MSI2: variants seen among roughly 807,000 people sequenced by gnomAD.
MSI2 encodes musashi RNA binding protein 2.
MSI2 carries 17 observed loss-of-function variants against 45.6 expected under a neutral mutation model. That is an observed-to-expected ratio of 0.37 (90% CI 0.26 to 0.56). MSI2 has a LOEUF of 0.56. Ranked by LOEUF, MSI2 falls within the 20% of genes least tolerant of loss-of-function variation. The probability of loss-of-function intolerance (pLI) is 0.77; values close to 1 mark genes in which losing one functional copy is unlikely to be tolerated. For missense variants in MSI2, 293 were observed against 444.2 expected, an observed-to-expected ratio of 0.66 and a Z score of 3.06; for synonymous variants, 156 against 158.2, an observed-to-expected ratio of 0.99 and a Z score of 0.11.
intron 6 of MSI2, among the ~76,000 whole-genome samples, chr17:57,437,154 T>C (rs1458145057): frequency 2.0e-5 from 3 of 152,264 alleles, no homozygotes; most frequent in African/African-American, 7.2e-5. Flanking sequence ...ATTGCCTTTA[T>C]CAATCGTGAT....
At chr17:57,441,009 C>A (rs1406116517) in intron 6 of MSI2, among the ~76,000 whole-genome samples, 1 of 152,204 alleles carries the variant, frequency 6.6e-6, no homozygotes, top group African/African-American at 2.4e-5. Flanking sequence ...CAACACTGCC[C>A]CCTGCCGCTC....
intron 11 of MSI2, among the ~76,000 whole-genome samples, chr17:57,657,016 T>C (rs1048599589): frequency 2.0e-5 from 3 of 152,174 alleles, no homozygotes; most frequent in African/African-American, 7.2e-5. Context: ...CTCTGCCCAG[T>C]GCTGCAAGAA....
In MSI2 at chr17:57,353,558, AG is replaced by A. The variant is rs544074614; in HGVS notation, c.313-47818del. ...TAGACTCTTATTTCCTTTGTTATTT[AG>A]GGAGTAGTTGGTGGAGATGTAGGTG... is the stretch of plus-strand genomic sequence containing the variant. On this transcript the variant is annotated intron_variant, in intron 5 of 13. Transcript: ENST00000284073. 1.3e-3 allele frequency among the ~76,000 whole-genome samples: 200 copies of A among 152,274 alleles called. 1 individual carries two copies. The highest frequency in any genetic ancestry group is 4.6e-3 in the African/African-American group (193 of 41,556).
chr17:57,258,579 G>A (rs1333433355), intron 4 of MSI2, among the ~76,000 whole-genome samples: 1 of 152,250 alleles, frequency 6.6e-6, no homozygotes, highest in Non-Finnish European at 1.5e-5. Flanking sequence ...GGTTAGGCTT[G>A]GGGAGGAGAG....
chr17:57,275,013 C>A (rs1908721973), intron 5 of MSI2, among the ~76,000 whole-genome samples: 1 of 152,154 alleles, frequency 6.6e-6, no homozygotes. Context: ...AATTTTAAAG[C>A]CATCTCGAAC....
intron 8 of MSI2, among the ~76,000 whole-genome samples, chr17:57,597,461 T>A: frequency 1.6e-5 from 1 of 60,992 alleles, no homozygotes; most frequent in East Asian, 5.5e-4. Context: ...CCAGACCTCA[T>A]CTCTTAAAAA....
At position 57,567,123 on chromosome 17, in the gene MSI2, G is replaced by C. The variant is rs116968073; in HGVS notation, c.455-29745G>C. Among the ~76,000 whole-genome samples the C allele has an allele frequency of 2.5e-3, 376 of 152,298 alleles. 7 individuals carry two copies. Among genetic ancestry groups the C allele is most frequent in the East Asian group, 0.023 (121 of 5,178 alleles). ...GACAATCCATTCTGTCCCGCAGACA[G>C]GCTGCTGCACCATTTTTGTTTCCGT... On this transcript the variant is annotated intron_variant, in intron 7 of 13. Transcript: ENST00000284073.
rs56325646 is a variant in MSI2 at position 57,495,532 on chromosome 17, CA to C, written c.406-34124del. On this transcript the variant is annotated intron_variant, in intron 6 of 13. Transcript: ENST00000284073. ...TGGGTGACAGAGCGAGACTCTGTCTCAAAAAAAAAAAAAAAAAAAAGAAAGC... is the reference window on the plus strand; with the variant it reads ...TGGGTGACAGAGCGAGACTCTGTCTCAAAAAAAAAAAAAAAAAAAGAAAGC... Among the ~76,000 whole-genome samples the C allele has an allele frequency of 3.1e-3, 226 of 72,594 alleles. 4 individuals carry two copies. Among genetic ancestry groups the C allele is most frequent in the Middle Eastern group, 0.022 (2 of 92 alleles). 47.6% of individuals were successfully genotyped at this position (72,594 alleles called of 152,430 possible). A position where few individuals can be genotyped will look rare whatever the true frequency, so the allele number is the denominator to read the frequency against.
intron 7 of MSI2, among the ~76,000 whole-genome samples, chr17:57,581,560 A>G (rs2088207336): frequency 6.6e-6 from 1 of 152,174 alleles, no homozygotes; most frequent in Admixed American, 6.5e-5. Context: ...GTGACATCTG[A>G]GAACAATTTT....
intron 5 of MSI2, among the ~76,000 whole-genome samples, chr17:57,271,012 G>T (rs1293966129): frequency 1.3e-5 from 2 of 152,194 alleles, no homozygotes; most frequent in African/African-American, 4.8e-5. Context: ...CGTATCTGAT[G>T]CCTGTGTTTT....
chr17:57,494,552 C>T (rs1232687603), intron 6 of MSI2, among the ~76,000 whole-genome samples: 1 of 152,176 alleles, frequency 6.6e-6, no homozygotes, highest in Admixed American at 6.5e-5. Context: ...GCATCTTTAG[C>T]CTTATAGAGA....
chr17:57,411,491 G>A (rs183203694), intron 6 of MSI2, among the ~76,000 whole-genome samples: 2 of 152,290 alleles, frequency 1.3e-5, no homozygotes, highest in East Asian at 1.9e-4. Flanking sequence ...TGTCCCAACA[G>A]CCCTGTGAGG....
chr17:57,632,074 C>T (rs372482180), intron 10 of MSI2: 165 of 1,298,066 alleles, frequency 1.3e-4, no homozygotes, highest in East Asian at 2.7e-4. Flanking sequence ...GCATTGTGAC[C>T]GACCCCACTT....
chr17:57,669,390 A>G (rs946311615), intron 11 of MSI2, among the ~76,000 whole-genome samples: 1 of 152,242 alleles, frequency 6.6e-6, no homozygotes, highest in Admixed American at 6.5e-5. Context: ...GGAATGGCAG[A>G]AAGTTGCTCT....
intron 5 of MSI2, chr17:57,294,723 TGGCGACTTGGCTAACAA>T (rs1910770821): frequency 6.6e-6 from 1 of 152,328 alleles, no homozygotes; most frequent in South Asian, 2.1e-4. Context: ...CCGAAGGACT[TGGCGACTTGGCTAACAA>T]GGAGACATTT....
At chr17:57,625,342 A>T (rs992318159) in intron 9 of MSI2, among the ~76,000 whole-genome samples, 1 of 152,216 alleles carries the variant, frequency 6.6e-6, no homozygotes, top group Non-Finnish European at 1.5e-5. Context: ...TACAACACCA[A>T]CATCCACCAG....
chr17:57,381,154 A>T (rs1425013988), intron 5 of MSI2, among the ~76,000 whole-genome samples: 1 of 151,794 alleles, frequency 6.6e-6, no homozygotes, highest in African/African-American at 2.4e-5. Context: ...TGCAGCCTCA[A>T]CCTCCTGAAC....
At chr17:57,343,290 C>T (rs758698739) in intron 5 of MSI2, among the ~76,000 whole-genome samples, 2 of 151,624 alleles carry the variant, frequency 1.3e-5, no homozygotes, top group African/African-American at 4.8e-5. Context: ...CTTTATCTAC[C>T]AAGTCAACTG....
chr17:57,323,636 G>A (rs1913532756), intron 5 of MSI2, among the ~76,000 whole-genome samples: 1 of 152,260 alleles, frequency 6.6e-6, no homozygotes, highest in Non-Finnish European at 1.5e-5. Context: ...CCGTGGAGGA[G>A]CAGTTGCCTA....
Sources: allele counts gnomAD v4.1 joint callset (sites outside exome capture counted in the v4.1 genomes callset), GRCh38; gene constraint gnomAD v4.1.1; transcripts MANE v1.5; gene names NCBI Gene and HGNC (gene_info 2026-07-23, HGNC 2026-07-21).